Variants in NFIA observed in about 807,000 individuals in gnomAD.
NFIA encodes the protein nuclear factor I A.
Under a neutral mutation model 62.8 loss-of-function variants are expected in NFIA, and 8 were observed. The observed-to-expected ratio is 0.13, with a 90% confidence interval of 0.07 to 0.23. The LOEUF (loss-of-function observed/expected upper bound fraction) is 0.23. Ranked by LOEUF, NFIA falls within the 10% of genes least tolerant of loss-of-function variation. The pLI, the probability that NFIA is intolerant of heterozygous loss-of-function variation, is 1.00. For synonymous variants in NFIA, 235 were observed against 238.1 expected (o/e 0.99, Z 0.12); for missense variants, 410 against 642.1 (o/e 0.64, Z 3.91).
intron 4 of NFIA, among the ~76,000 whole-genome samples, chr1:61,335,810 C>T (rs137976120): frequency 0.014 from 2,175 of 151,918 alleles, 20 homozygotes; most frequent in Non-Finnish European, 0.023. Context: ...CCATTGCACT[C>T]CAGGCTGGGT....
chr1:61,099,532 A>G (rs1646473356), intron 2 of NFIA, among the ~76,000 whole-genome samples: 1 of 152,130 alleles, frequency 6.6e-6, no homozygotes. Flanking sequence ...TAAATTGTGG[A>G]TGTGAGTTTC....
intron 3 of NFIA, among the ~76,000 whole-genome samples, chr1:61,329,046 T>C (rs1661128463): frequency 6.8e-6 from 1 of 147,418 alleles, no homozygotes. Context: ...TTTTTCTTTT[T>C]TTCTTTTTTT....
At chr1:61,386,311 A>G (rs1005339727) in intron 7 of NFIA, among the ~76,000 whole-genome samples, 1 of 152,188 alleles carries the variant, frequency 6.6e-6, no homozygotes, top group African/African-American at 2.4e-5. Context: ...CACTCCTTGT[A>G]TTGGGCAAAG....
intron 2 of NFIA, among the ~76,000 whole-genome samples, chr1:61,138,047 G>C (rs1433342429): frequency 1.3e-5 from 2 of 151,598 alleles, no homozygotes; most frequent in Non-Finnish European, 2.9e-5. Context: ...TCAAGAGCAA[G>C]AGTATTTTTT....
chr1:61,133,321 A>G (rs780101285), intron 2 of NFIA, among the ~76,000 whole-genome samples: 7 of 151,912 alleles, frequency 4.6e-5, no homozygotes, highest in Non-Finnish European at 8.8e-5. Flanking sequence ...AAAAATAATA[A>G]ATATTTATAT....
At chr1:61,078,529 TCTTA>T (rs757548141), upstream of NFIA, among the ~76,000 whole-genome samples, 9 of 152,334 alleles carry the variant, frequency 5.9e-5, no homozygotes, top group Non-Finnish European at 1.2e-4. Flanking sequence ...TTACAAAACT[TCTTA>T]CTCTGATTAT....
intron 4 of NFIA, among the ~76,000 whole-genome samples, chr1:61,334,333 G>A (rs1661468051): frequency 6.6e-6 from 1 of 151,826 alleles, no homozygotes; most frequent in African/African-American, 2.4e-5. Flanking sequence ...ACACTACATT[G>A]CCTTGTTAAG....
chr1:61,305,288 G>A (rs543432888), intron 3 of NFIA, among the ~76,000 whole-genome samples: 25 of 152,204 alleles, frequency 1.6e-4, no homozygotes, highest in African/African-American at 6.0e-4. Context: ...AAGAGAAAAG[G>A]ACCAGAGTTC....
chr1:61,083,686 C>G (rs967214646), intron 1 of NFIA, among the ~76,000 whole-genome samples: 2 of 151,406 alleles, frequency 1.3e-5, no homozygotes, highest in African/African-American at 4.8e-5. Context: ...GGCCGCGGGC[C>G]GGGTAGCGCC....
intron 1 of NFIA, among the ~76,000 whole-genome samples, chr1:61,087,741 G>A (rs1646243913): frequency 6.6e-6 from 1 of 152,156 alleles, no homozygotes; most frequent in African/African-American, 2.4e-5. Context: ...GGCCCTGGCT[G>A]TACTACAAGT....
chr1:61,392,699 C>G (rs969756116), intron 7 of NFIA, among the ~76,000 whole-genome samples: 9 of 152,204 alleles, frequency 5.9e-5, no homozygotes, highest in Admixed American at 5.9e-4. Context: ...GAGAGCTCTT[C>G]CGTAGTGGAA....
At chr1:61,354,017 T>G (rs1361620666) in intron 5 of NFIA, among the ~76,000 whole-genome samples, 13 of 152,212 alleles carry the variant, frequency 8.5e-5, no homozygotes, top group African/African-American at 3.1e-4. Context: ...TAAAAGTTTA[T>G]GGGCTGTTTG....
At chr1:61,200,233 T>C (rs1471451597) in intron 2 of NFIA, among the ~76,000 whole-genome samples, 1 of 151,354 alleles carries the variant, frequency 6.6e-6, no homozygotes, top group Non-Finnish European at 1.5e-5. Context: ...CCCCTTTGAC[T>C]AGCGTCATGA....
At chr1:61,392,567 C>T (rs911004573) in intron 7 of NFIA, among the ~76,000 whole-genome samples, 5 of 151,782 alleles carry the variant, frequency 3.3e-5, no homozygotes. Flanking sequence ...GTTTGTGTAA[C>T]GTTCAATAAT....
intron 2 of NFIA, among the ~76,000 whole-genome samples, chr1:61,183,340 G>C (rs1417664174): frequency 6.6e-6 from 1 of 152,204 alleles, no homozygotes; most frequent in African/African-American, 2.4e-5. Context: ...GTCTTATCTA[G>C]GTAGTTTCAA....
chr1:61,264,783 A>G (rs1295996715), intron 2 of NFIA, among the ~76,000 whole-genome samples: 1 of 152,102 alleles, frequency 6.6e-6, no homozygotes, highest in Non-Finnish European at 1.5e-5. Context: ...CAAATTACTC[A>G]CAAATACTGA....
intron 2 of NFIA, among the ~76,000 whole-genome samples, chr1:61,193,296 T>C (rs1329497007): frequency 6.6e-6 from 1 of 152,276 alleles, no homozygotes; most frequent in Non-Finnish European, 1.5e-5. Context: ...AGCTCTGCTA[T>C]GACTTGCAGT....
chr1:61,272,251 C>G (rs181192297), intron 2 of NFIA, among the ~76,000 whole-genome samples: 1 of 152,180 alleles, frequency 6.6e-6, no homozygotes, highest in Admixed American at 6.5e-5. Flanking sequence ...ATGTGTACAC[C>G]TGTACGCTGA....
intron 2 of NFIA, among the ~76,000 whole-genome samples, chr1:61,198,625 C>T (rs763610054): frequency 3.3e-5 from 5 of 152,232 alleles, no homozygotes; most frequent in East Asian, 1.9e-4. Flanking sequence ...GAATTGCAGT[C>T]GTGGTCCTCT....
Sources: allele counts gnomAD v4.1 joint callset (sites outside exome capture counted in the v4.1 genomes callset), GRCh38; gene constraint gnomAD v4.1.1; transcripts MANE v1.5; gene names NCBI Gene and HGNC (gene_info 2026-07-23, HGNC 2026-07-21).